The following OPHN1 variants were observed in gnomAD, a reference collection of about 807,000 sequenced individuals.
OPHN1 encodes oligophrenin-1.
In OPHN1, 11 loss-of-function variants were observed where a neutral mutation model predicts 60.7. The ratio of observed to expected loss-of-function variants is 0.18; its 90% CI spans 0.11 to 0.30. The LOEUF (loss-of-function observed/expected upper bound fraction) is 0.30, where lower values mean the gene tolerates loss of function less well. Among genes scored for constraint, OPHN1 ranks in the 10% least tolerant of loss-of-function variants. OPHN1 has a pLI of 1.00. For missense variants in OPHN1, 449 were observed against 611.0 expected, an observed-to-expected ratio of 0.73 and a Z score of 2.80; for synonymous variants, 226 against 222.6, an observed-to-expected ratio of 1.02 and a Z score of -0.14.
chrX:68,374,444 G>T (rs1341606755), intron 2 of OPHN1, among the ~76,000 whole-genome samples: 1 of 109,936 alleles, frequency 9.1e-6, no homozygotes, highest in African/African-American at 3.3e-5. Context: ...AGGATTTGGG[G>T]TTTTGTTTTG....
intron 5 of OPHN1, among the ~76,000 whole-genome samples, chrX:68,273,845 G>T (rs755081442): frequency 2.7e-5 from 3 of 111,875 alleles, no homozygotes; most frequent in Non-Finnish European, 5.6e-5. Context: ...AATTTATAAA[G>T]AAAAGAGATT....
At chrX:68,389,800 G>GA (rs2078644738) in intron 2 of OPHN1, among the ~76,000 whole-genome samples, 1 of 110,210 alleles carries the variant, frequency 9.1e-6, no homozygotes. Context: ...GACTTTGGGC[G>GA]AGGGGGATAA....
intron 2 of OPHN1, among the ~76,000 whole-genome samples, chrX:68,324,960 A>G (rs1163365638): frequency 9.0e-6 from 1 of 110,775 alleles, no homozygotes; most frequent in Non-Finnish European, 1.9e-5. Context: ...CTGAGGTCGG[A>G]GGATCACTTG....
At chrX:68,113,666 G>T (rs1295896235) in intron 16 of OPHN1, among the ~76,000 whole-genome samples, 1 of 109,864 alleles carries the variant, frequency 9.1e-6, no homozygotes, top group East Asian at 2.9e-4. Flanking sequence ...AGGCTCAAAT[G>T]GGTTTACTCA....
chrX:68,063,907 G>T lies in OPHN1; in HGVS notation c.2105C>A (p.Pro702His). ...AGCTGGTCTCTTTATGTGGAAAGAG[G>T]GGGTCTTGGTGGGCCCAGAGCCTGG... ...PMPGSGPTKT[P>H]SFHIKRPAPR... The change falls in exon 21 of 25, where the codon CCC becomes CAC. Residue 702 changes from proline to histidine, a missense_variant. Pro to His is a moderately conservative substitution (Grantham distance 77). This residue lies in a region of OPHN1 where 184 missense variants were observed against 160.5 expected (regional missense o/e 1.15). Coordinates refer to ENST00000355520, the MANE Select transcript of OPHN1 (RefSeq NM_002547.3). 1.7e-6 allele frequency: 2 copies of T among 1,187,499 alleles called. No individual in the cohort carries two copies. The highest frequency in any genetic ancestry group is 1.1e-6 in the Non-Finnish European group (1 of 882,492).
intron 6 of OPHN1, among the ~76,000 whole-genome samples, chrX:68,214,593 C>T (rs190594268): frequency 5.4e-5 from 6 of 111,910 alleles, no homozygotes; most frequent in South Asian, 3.7e-4. Flanking sequence ...TGAACATCAC[C>T]GCTAGCTTTC....
chrX:68,077,197 C>A (rs543328586), intron 19 of OPHN1, among the ~76,000 whole-genome samples: 1 of 111,841 alleles, frequency 8.9e-6, no homozygotes, highest in African/African-American at 3.2e-5. Context: ...TTGTCCTAAA[C>A]TGACAAAGAA....
intron 2 of OPHN1, among the ~76,000 whole-genome samples, chrX:68,303,558 G>C (rs762416924): frequency 3.9e-4 from 43 of 109,550 alleles, no homozygotes; most frequent in Non-Finnish European, 8.0e-4. Flanking sequence ...TGAGGCAGGA[G>C]GATCGCTTGA....
chrX:68,364,098 A>G (rs936853714), intron 2 of OPHN1, among the ~76,000 whole-genome samples: 1 of 111,920 alleles, frequency 8.9e-6, no homozygotes, highest in Non-Finnish European at 1.9e-5. Context: ...TCAATGATTA[A>G]TAAGAACGCA....
At chrX:68,404,269 C>T (rs1030964423) in intron 2 of OPHN1, among the ~76,000 whole-genome samples, 1 of 108,941 alleles carries the variant, frequency 9.2e-6, no homozygotes, top group Non-Finnish European at 1.9e-5. Flanking sequence ...AAGCGATTCT[C>T]CTGCCTCAGC....
intron 11 of OPHN1, among the ~76,000 whole-genome samples, chrX:68,198,220 T>C (rs1302872718): frequency 9.0e-6 from 1 of 110,918 alleles, no homozygotes; most frequent in Non-Finnish European, 1.9e-5. Context: ...TAGAACCTCA[T>C]GAATGGGATT....
chrX:68,254,834 T>G (rs957854323), intron 5 of OPHN1, among the ~76,000 whole-genome samples: 8 of 109,039 alleles, frequency 7.3e-5, no homozygotes, highest in African/African-American at 2.7e-4. Flanking sequence ...CTGGGCAACA[T>G]GGTGAAACCC....
At chrX:68,198,659 G>A (rs1313249079) in intron 11 of OPHN1, among the ~76,000 whole-genome samples, 1 of 111,595 alleles carries the variant, frequency 9.0e-6, no homozygotes, top group African/African-American at 3.3e-5. Context: ...CAAATTCTGT[G>A]ATAAGATGAG....
intron 3 of OPHN1, among the ~76,000 whole-genome samples, chrX:68,297,967 T>C (rs1277129548): frequency 8.9e-6 from 1 of 111,970 alleles, no homozygotes; most frequent in African/African-American, 3.2e-5. Context: ...CTTCCTATCA[T>C]AAGTAACTTA....
At chrX:68,068,783 T>C (rs2076922777) in intron 20 of OPHN1, among the ~76,000 whole-genome samples, 1 of 112,215 alleles carries the variant, frequency 8.9e-6, no homozygotes. Flanking sequence ...CATTCTACAA[T>C]GTGGATGAAC....
At chrX:68,234,671 G>T in intron 5 of OPHN1, 83 bp from the exon 6 acceptor site, 1 of 782,046 alleles carries the variant, frequency 1.3e-6, no homozygotes, top group Non-Finnish European at 2.0e-6. Context: ...AGGAGATAGT[G>T]TCAGGTTTCA....
intron 3 of OPHN1, among the ~76,000 whole-genome samples, chrX:68,286,751 C>A (rs1172223005): frequency 9.0e-6 from 1 of 111,558 alleles, no homozygotes; most frequent in South Asian, 3.7e-4. Context: ...TGTGGTGGCT[C>A]ACACCTGTAA....
intron 5 of OPHN1, among the ~76,000 whole-genome samples, chrX:68,247,030 T>C (rs2077809433): frequency 8.9e-6 from 1 of 111,776 alleles, no homozygotes; most frequent in Non-Finnish European, 1.9e-5. Flanking sequence ...TGATCCCTCA[T>C]GAGATGGCAA....
chrX:68,360,959 A>G (rs1037659831), intron 2 of OPHN1: 5 of 112,106 alleles, frequency 4.5e-5, no homozygotes, highest in African/African-American at 1.6e-4. Flanking sequence ...ATCTTCTGCT[A>G]TAAGATACTA....
Sources: gnomAD v4.1 joint callset for allele counts (sites outside exome capture counted in the v4.1 genomes callset) on GRCh38, gnomAD v4.1.1 for gene constraint, gnomAD v4.1.1 regional missense constraint, MANE v1.5 for transcripts, NCBI Gene and HGNC (gene_info 2026-07-23, HGNC 2026-07-21) for gene names.